The following FBN2 variants were observed in gnomAD, a reference collection of about 807,000 sequenced individuals.
The protein encoded by FBN2 is fibrillin-2.
FBN2 carries 105 observed loss-of-function variants against 355.6 expected under a neutral mutation model. The observed-to-expected ratio is 0.30, with a 90% CI of 0.25 to 0.35. FBN2 has a LOEUF of 0.35. Among genes scored for constraint, FBN2 ranks in the 10% least tolerant of loss-of-function variants. The pLI is 1.00. For missense variants in FBN2, 3,280 were observed against 3,758.7 expected, an observed-to-expected ratio of 0.87 and a Z score of 3.33; for synonymous variants, 1,350 against 1,301.2, an observed-to-expected ratio of 1.04 and a Z score of -0.81.
chr5:128,300,749 T>C (rs1749691234), intron 48 of FBN2, 68 bp downstream of exon 48: 12 of 1,538,852 alleles, frequency 7.8e-6, no homozygotes, highest in Non-Finnish European at 1.1e-5. Context: ...TTAGTATGTT[T>C]CCAGAGTCTT....
chr5:128,310,404 T>TATATATA (rs1554120270), intron 39 of FBN2, among the ~76,000 whole-genome samples: 1 of 3,318 alleles, frequency 3.0e-4, no homozygotes, highest in Non-Finnish European at 7.6e-4. Context: ...ATATATATAT[T>TATATATA]TTTTTTTTTT....
At chr5:128,356,758 A>G (rs1751514119) in intron 20 of FBN2, among the ~76,000 whole-genome samples, 1 of 152,226 alleles carries the variant, frequency 6.6e-6, no homozygotes, top group Non-Finnish European at 1.5e-5. Context: ...TTTCCCCTAG[A>G]GATTTCCAAA....
chr5:128,353,676 A>C (rs940460192), intron 20 of FBN2, among the ~76,000 whole-genome samples: 3 of 152,250 alleles, frequency 2.0e-5, no homozygotes, highest in Non-Finnish European at 4.4e-5. Context: ...AGATAGTGAC[A>C]GGAACTGGAA....
In FBN2 at chr5:128,344,242, C is replaced by A. The variant is rs113251458; in HGVS notation, c.3343+143G>T. 4.5e-5 allele frequency: 38 copies of A among 845,662 alleles called. No homozygotes were observed. In the African/African-American group the frequency reaches 5.9e-4, roughly 13 times the overall value. 52.4% of individuals were successfully genotyped at this position (845,662 alleles called of 1,614,324 possible). ...CTCCAGCCTGGGCGACTAAGTGAGA[C>A]CTTTTCTCTAAAAAGAAATTAATAA... is the stretch of plus-strand genomic sequence containing the variant. On this transcript the variant is annotated intron_variant, in intron 25 of 64. Coordinates refer to ENST00000262464, the MANE Select transcript of FBN2 (RefSeq NM_001999.4).
intron 8 of FBN2, among the ~76,000 whole-genome samples, chr5:128,399,951 T>C (rs962268445): frequency 6.6e-6 from 1 of 151,754 alleles, no homozygotes; most frequent in Non-Finnish European, 1.5e-5. Flanking sequence ...AGGACTATGG[T>C]AAAAATAAAA....
At chr5:128,492,727 T>C (rs779348456) in intron 5 of FBN2, among the ~76,000 whole-genome samples, 148 of 132,806 alleles carry the variant, frequency 1.1e-3, no homozygotes, top group Non-Finnish European at 1.7e-3. Flanking sequence ...CACTTGAACC[T>C]GGGAGGCAGA....
At chr5:128,507,401 C>T (rs1755992001) in intron 5 of FBN2, among the ~76,000 whole-genome samples, 1 of 151,980 alleles carries the variant, frequency 6.6e-6, no homozygotes, top group Admixed American at 6.6e-5. Context: ...CACACATTCA[C>T]CCATACACTT....
At chr5:128,437,335 C>T (rs529217924) in intron 7 of FBN2, among the ~76,000 whole-genome samples, 2 of 152,244 alleles carry the variant, frequency 1.3e-5, no homozygotes, top group South Asian at 4.1e-4. Flanking sequence ...CATGCAATTA[C>T]ATAGATCAAT....
intron 5 of FBN2, among the ~76,000 whole-genome samples, chr5:128,506,125 T>C (rs1026350218): frequency 6.6e-6 from 1 of 152,190 alleles, no homozygotes; most frequent in Non-Finnish European, 1.5e-5. Context: ...ATTGTGATTT[T>C]AGTTTGCATT....
intron 6 of FBN2, among the ~76,000 whole-genome samples, chr5:128,458,259 G>A (rs1754457013): frequency 6.6e-6 from 1 of 151,960 alleles, no homozygotes; most frequent in Non-Finnish European, 1.5e-5. Context: ...AATTCAACAA[G>A]AAGAGCTAAC....
At chr5:128,368,127 G>T (rs1032948898) in intron 16 of FBN2, among the ~76,000 whole-genome samples, 2 of 151,912 alleles carry the variant, frequency 1.3e-5, no homozygotes, top group African/African-American at 4.8e-5. Flanking sequence ...CTCCATACTT[G>T]AACCTTTTAA....
intron 5 of FBN2, among the ~76,000 whole-genome samples, chr5:128,512,882 T>C (rs1467775998): frequency 6.6e-6 from 1 of 152,198 alleles, no homozygotes; most frequent in African/African-American, 2.4e-5. Context: ...ATTTATTTCA[T>C]TTATTGGATG....
intron 5 of FBN2, among the ~76,000 whole-genome samples, chr5:128,512,419 A>C (rs1204951269): frequency 4.7e-5 from 7 of 150,178 alleles, no homozygotes; most frequent in African/African-American, 1.5e-4. Flanking sequence ...AGGCTGAGGC[A>C]GGAGAATAGC....
In FBN2 at chr5:128,338,130, G is replaced by A; in HGVS notation, c.3473-8C>T. 6.2e-7 allele frequency: 1 copy of A among 1,613,506 alleles called. No individual in the cohort carries two copies. The highest frequency in any genetic ancestry group is 2.2e-5 in the East Asian group (1 of 44,864). ...GTTCACATTCGTCAATGTCTGAAAG[G>A]TAAAAACGTGAGATCCATTAAAGAA... On this transcript the variant is annotated splice_region_variant and splice_polypyrimidine_tract_variant and intron_variant, in intron 26 of 64. Coordinates refer to ENST00000262464, the MANE Select transcript of FBN2 (RefSeq NM_001999.4).
chr5:128,536,924 A>G (rs1756862459), intron 1 of FBN2, among the ~76,000 whole-genome samples: 1 of 152,010 alleles, frequency 6.6e-6, no homozygotes, highest in Admixed American at 6.5e-5. Context: ...TGACGATGAG[A>G]AGGTGAGCTG....
At chr5:128,372,734 T>C (rs1313650532) in intron 15 of FBN2, among the ~76,000 whole-genome samples, 1 of 152,144 alleles carries the variant, frequency 6.6e-6, no homozygotes, top group Admixed American at 6.6e-5. Context: ...TCAAGCAATC[T>C]GCCCTACTCG....
chr5:128,508,361 T>C (rs1756019378), intron 5 of FBN2, among the ~76,000 whole-genome samples: 2 of 151,994 alleles, frequency 1.3e-5, no homozygotes, highest in Non-Finnish European at 2.9e-5. Flanking sequence ...TTTGTTGCTT[T>C]CTTCTTTATT....
chr5:128,382,003 T>C (rs1191235550), intron 11 of FBN2, among the ~76,000 whole-genome samples: 1 of 152,078 alleles, frequency 6.6e-6, no homozygotes, highest in East Asian at 1.9e-4. Context: ...TTGGCAAAAT[T>C]ATGATGCTAA....
At chr5:128,440,038 T>G (rs1005373926) in intron 7 of FBN2, among the ~76,000 whole-genome samples, 3 of 152,220 alleles carry the variant, frequency 2.0e-5, no homozygotes, top group African/African-American at 7.2e-5. Flanking sequence ...TTGATTTAAA[T>G]GGCACAATTT....
Sources: allele counts gnomAD v4.1 joint callset (sites outside exome capture counted in the v4.1 genomes callset), GRCh38; gene constraint gnomAD v4.1.1; transcripts MANE v1.5; gene names NCBI Gene and HGNC (gene_info 2026-07-23, HGNC 2026-07-21).